The following SHQ1 variants were observed in gnomAD, a reference collection of about 807,000 sequenced individuals.
SHQ1 encodes the protein SHQ1, H/ACA ribonucleoprotein assembly factor, also known as protein SHQ1 homolog.
SHQ1 carries 49 observed loss-of-function variants against 53.8 expected under a neutral mutation model. That is an observed-to-expected ratio of 0.91 (90% CI 0.72 to 1.16). The LOEUF (loss-of-function observed/expected upper bound fraction) is 1.16. Among genes scored for constraint, SHQ1 ranks in the 50% most tolerant of loss-of-function variants. The probability of loss-of-function intolerance (pLI) is 0.00; values close to 1 mark genes in which losing one functional copy is unlikely to be tolerated. For missense variants in SHQ1, 738 were observed against 683.1 expected (o/e 1.08, Z -0.90); for synonymous variants, 243 against 251.0 (o/e 0.97, Z 0.30).
intron 9 of SHQ1, among the ~76,000 whole-genome samples, chr3:72,807,738 T>C (rs1706994936): frequency 6.6e-6 from 1 of 152,226 alleles, no homozygotes; most frequent in Non-Finnish European, 1.5e-5. Flanking sequence ...TTTAAAAAAT[T>C]GATCAGTCAC....
chr3:72,729,707 C>T, the SHQ1 span, among the ~76,000 whole-genome samples: 1 of 152,244 alleles, frequency 6.6e-6, no homozygotes, highest in African/African-American at 2.4e-5. Context: ...TGAGAAAGCA[C>T]AGCCAATAGC....
intron 4 of SHQ1, among the ~76,000 whole-genome samples, chr3:72,832,820 C>G (rs565243462): frequency 7.2e-5 from 11 of 152,202 alleles, no homozygotes; most frequent in Non-Finnish European, 1.0e-4. Context: ...TCCCCATTTA[C>G]ACCTAGAGAT....
chr3:72,753,131 A>C, intron 10 of SHQ1: 1 of 985,424 alleles, frequency 1.0e-6, no homozygotes, highest in Non-Finnish European at 1.2e-6. Context: ...TCTTAAGGGG[A>C]AATCTGATGT....
chr3:72,755,658 T>C lies in SHQ1; in HGVS notation c.1182-4822A>G, dbSNP rs543301064. Reference sequence around the variant, plus strand: ...CCTGTAGGGAAAAAAAATTAAGCCATGAAAGAGTAGCTGTTTTGTTTTTTT... The same window carrying C: ...CCTGTAGGGAAAAAAAATTAAGCCACGAAAGAGTAGCTGTTTTGTTTTTTT... On this transcript the variant is annotated intron_variant, in intron 10 of 10. Transcript: ENST00000325599. 2.0e-5 allele frequency among the ~76,000 whole-genome samples: 3 copies of C among 152,292 alleles called. 1 individual carries two copies. Among genetic ancestry groups the C allele is most frequent in the East Asian group, 3.9e-4 (2 of 5,180 alleles).
At chr3:72,806,569 A>T (rs1190725345) in intron 9 of SHQ1, among the ~76,000 whole-genome samples, 2 of 152,236 alleles carry the variant, frequency 1.3e-5, no homozygotes, top group Admixed American at 1.3e-4. Flanking sequence ...AATTCCAGTG[A>T]CCAGTTAACT....
intron 8 of SHQ1, 112 bp from the exon 9 acceptor site, chr3:72,812,906 G>A: frequency 1.8e-6 from 2 of 1,108,588 alleles, no homozygotes; most frequent in Non-Finnish European, 2.6e-6. Flanking sequence ...TCGGATCATT[G>A]TGAAGCCAAG....
rs758942456 is a variant in SHQ1 at position 72,793,049 on chromosome 3, G to GA, written c.1061-14dup. 1.3e-5 allele frequency: 20 copies of GA among 1,588,028 alleles called. 1 individual carries two copies. The highest frequency in any genetic ancestry group is 6.9e-5 in the South Asian group (6 of 86,986). ...ACTGCACTTTTACCTAAAGAAAATT[G>GA]AAAAAACATAAAATTATCCTTAAGA... is the stretch of plus-strand genomic sequence containing the variant. On this transcript the variant is annotated splice_polypyrimidine_tract_variant and intron_variant, in intron 9 of 10. Coordinates refer to ENST00000325599, the MANE Select transcript of SHQ1 (RefSeq NM_018130.3).
the SHQ1 span, among the ~76,000 whole-genome samples, chr3:72,730,574 G>A: frequency 5.3e-5 from 8 of 152,270 alleles, no homozygotes; most frequent in African/African-American, 1.9e-4. Context: ...GGTTCTTGGG[G>A]AACTCTTTAC....
chr3:72,765,559 T>TATATATATATA (rs1559662676), intron 10 of SHQ1, among the ~76,000 whole-genome samples: 4 of 99,074 alleles, frequency 4.0e-5, no homozygotes, highest in African/African-American at 1.9e-4. Context: ...ATATATATAT[T>TATATATATATA]TTTTTTTTTT....
chr3:72,773,466 A>C, intron 10 of SHQ1: 1 of 317,146 alleles, frequency 3.2e-6, no homozygotes, highest in Non-Finnish European at 6.2e-6. Flanking sequence ...GTTCAGAAAG[A>C]CCTCATAAAG....
chr3:72,772,780 G>A, intron 10 of SHQ1: 1 of 759,748 alleles, frequency 1.3e-6, no homozygotes, highest in Non-Finnish European at 2.5e-6. Context: ...AAGTCCTGAT[G>A]ATGATCTTGA....
chr3:72,840,029 G>A (rs975531723), intron 4 of SHQ1, among the ~76,000 whole-genome samples: 3 of 151,898 alleles, frequency 2.0e-5, no homozygotes, highest in Admixed American at 6.6e-5. Context: ...CAAACTGCTG[G>A]GATTACACGC....
At chr3:72,739,025 G>T in the SHQ1 span, among the ~76,000 whole-genome samples, 1 of 152,362 alleles carries the variant, frequency 6.6e-6, no homozygotes, top group Admixed American at 6.5e-5. Flanking sequence ...ACGATGCCGC[G>T]GATTAGCGGG....
chr3:72,737,831 G>A, the SHQ1 span, among the ~76,000 whole-genome samples: 1 of 152,188 alleles, frequency 6.6e-6, no homozygotes, highest in African/African-American at 2.4e-5. Context: ...GGATATGGAG[G>A]GCCAGCTGTA....
intron 4 of SHQ1, among the ~76,000 whole-genome samples, chr3:72,838,592 C>T (rs1334696624): frequency 2.0e-5 from 3 of 152,208 alleles, no homozygotes; most frequent in Non-Finnish European, 4.4e-5. Context: ...ACCTCTGCCT[C>T]CTGGGTTCAA....
At chr3:72,810,295 A>C (rs1298297019) in intron 9 of SHQ1, among the ~76,000 whole-genome samples, 1 of 152,198 alleles carries the variant, frequency 6.6e-6, no homozygotes, top group Admixed American at 6.5e-5. Context: ...ATAAACATAC[A>C]GTCTTCTGGA....
intron 5 of SHQ1, among the ~76,000 whole-genome samples, chr3:72,829,436 C>T (rs767684264): frequency 2.6e-5 from 4 of 152,214 alleles, no homozygotes; most frequent in Non-Finnish European, 5.9e-5. Flanking sequence ...GCCGTAGGCA[C>T]CACGGTGTCT....
intron 4 of SHQ1, among the ~76,000 whole-genome samples, chr3:72,834,277 C>T (rs753708848): frequency 2.0e-5 from 3 of 152,144 alleles, no homozygotes; most frequent in Non-Finnish European, 4.4e-5. Context: ...GCCTGTAATC[C>T]CAGCACTTCG....
chr3:72,833,515 CAGATAGATGGATGAT>C (rs1559696413), intron 4 of SHQ1, among the ~76,000 whole-genome samples: 49 of 141,902 alleles, frequency 3.5e-4, no homozygotes, highest in African/African-American at 1.2e-3. Context: ...GACAGACAGA[CAGATAGATGGATGAT>C]AGACAGATAG....
Sources: gnomAD v4.1 joint callset for allele counts (sites outside exome capture counted in the v4.1 genomes callset) on GRCh38, gnomAD v4.1.1 for gene constraint, MANE v1.5 for transcripts, NCBI Gene and HGNC (gene_info 2026-07-23, HGNC 2026-07-21) for gene names.